GCNA: variants seen among roughly 807,000 people sequenced by gnomAD.
The protein encoded by GCNA is germ cell nuclear acidic peptidase.
A neutral mutation model predicts 38.8 loss-of-function variants in GCNA; 3 were observed. The ratio of observed to expected loss-of-function variants is 0.08; its 90% CI spans 0.04 to 0.20. The LOEUF (loss-of-function observed/expected upper bound fraction) is 0.20, where lower values mean the gene tolerates loss of function less well. Ranked by LOEUF, GCNA falls within the 10% of genes least tolerant of loss-of-function variation. GCNA has a pLI of 1.00. For missense variants in GCNA, 446 were observed against 578.6 expected (o/e 0.77, Z 2.35); for synonymous variants, 195 against 240.2 (o/e 0.81, Z 1.74).
In GCNA at chrX:71,590,898, A is replaced by G. The variant is rs141442164; in HGVS notation, c.60-1224A>G. Among the ~76,000 whole-genome samples, 898 of 110,738 alleles carry G rather than the reference A, an allele frequency of 8.1e-3. 9 individuals are homozygous for G. The highest frequency in any genetic ancestry group is 0.027 in the African/African-American group (822 of 30,485). On this transcript the variant is annotated intron_variant, in intron 2 of 12. Coordinates refer to ENST00000373696, the MANE Select transcript of GCNA (RefSeq NM_052957.5). ...GGGTTTCACCATGTTGGTCAGGCTG[A>G]TCTTGAGCTCCTGACCTCAAGCAAT...
intron 7 of GCNA, 113 bp from the exon 8 acceptor site, chrX:71,603,475 T>C: frequency 1.9e-6 from 2 of 1,055,347 alleles, no homozygotes; most frequent in Non-Finnish European, 2.5e-6. Flanking sequence ...CTATTCAAAA[T>C]GTCACAGTTC....
rs557481754 is a variant in GCNA at position 71,579,137 on chromosome X, G to A, written c.-3+615G>A. 3.7e-4 allele frequency among the ~76,000 whole-genome samples: 39 copies of A among 105,627 alleles called. No individual in the cohort carries two copies. The South Asian group carries it at 5.7e-3, about 15-fold the overall frequency. The allele number at this position is 105,627 out of a possible 115,157, so 91.7% of individuals were successfully genotyped here. ...TGGCTATGTAGGAATACGTGGCGCC[G>A]GTGGCGGCGCGGGGAGAAGTGAGGG... On this transcript the variant is annotated intron_variant, in intron 1 of 12. Transcript: ENST00000373696.
rs372246678 is a variant in GCNA at position 71,604,486 on chromosome X, T to A, written c.1209T>A (p.Pro403=). The A allele has an allele frequency of 1.0e-5, 12 of 1,201,252 alleles. No homozygotes were observed. The highest frequency in any genetic ancestry group is 1.3e-5 in the Non-Finnish European group (12 of 890,632). The change falls in exon 8 of 13, where the codon CCT becomes CCA. Residue 403 remains proline, a synonymous_variant. Coordinates refer to ENST00000373696, the MANE Select transcript of GCNA (RefSeq NM_052957.5). ...GAAAGCTGCCAACTGAGGAAGAGCC[T>A]GCACCTGTGGTGGAACAATCAGGGA... ...SERKLPTEEE[P]APVVEQSGKR... is the part of the protein sequence containing the mutation.
chrX:71,612,716 C>T (rs748958627), intron 12 of GCNA, 146 bp from the exon 13 acceptor site: 14 of 957,756 alleles, frequency 1.5e-5, no homozygotes, highest in East Asian at 3.4e-5. Flanking sequence ...TAATTTGAGC[C>T]GGCCTGACCA....
At chrX:71,579,134 G>A (rs999753072) in intron 1 of GCNA, among the ~76,000 whole-genome samples, 6 of 107,591 alleles carry the variant, frequency 5.6e-5, no homozygotes, top group East Asian at 3.0e-4. Flanking sequence ...AATACGTGGC[G>A]CCGGTGGCGG....
intron 12 of GCNA, 128 bp from the exon 13 acceptor site, chrX:71,612,734 C>T (rs1219876674): frequency 5.8e-6 from 6 of 1,039,394 alleles, no homozygotes; most frequent in South Asian, 2.2e-5. Flanking sequence ...CCACTGCTGC[C>T]GCTTGGTGCC....
chrX:71,580,229 A>G (rs1220270160), intron 1 of GCNA: 2 of 93,725 alleles, frequency 2.1e-5, no homozygotes, highest in Non-Finnish European at 4.2e-5. Context: ...GAAGACTGGC[A>G]AGTTGAGGTG....
chrX:71,587,916 A>C lies in GCNA; in HGVS notation c.60-4206A>C, dbSNP rs561692941. Among the ~76,000 whole-genome samples the C allele has an allele frequency of 9.0e-5, 10 of 111,212 alleles. No individual in the cohort carries two copies. In the South Asian group the frequency reaches 3.8e-3, roughly 42 times the overall value. Reference sequence around the variant, plus strand: ...GTGATTCTTGTTCCTCAGCCTCCCCAGTAGCTGGGGTTACAGGTGTGCGCC... The same window carrying C: ...GTGATTCTTGTTCCTCAGCCTCCCCCGTAGCTGGGGTTACAGGTGTGCGCC... On this transcript the variant is annotated intron_variant, in intron 2 of 12. Coordinates refer to ENST00000373696, the MANE Select transcript of GCNA (RefSeq NM_052957.5).
chrX:71,613,022 A>G lies in GCNA; in HGVS notation c.*40A>G. On this transcript the variant is annotated 3_prime_UTR_variant, in exon 13 of 13. Coordinates refer to ENST00000373696, the MANE Select transcript of GCNA (RefSeq NM_052957.5). ...TGTGCAGAAGTATTATAGAAAAATT[A>G]TGCAGGAGATGGCTAGGATTAGCCT... 5 of 1,202,599 alleles carry G rather than the reference A, an allele frequency of 4.2e-6. No homozygotes were observed. Among genetic ancestry groups the G allele is most frequent in the Non-Finnish European group, 3.4e-6 (3 of 888,136 alleles).
intron 12 of GCNA, 79 bp downstream of exon 12, chrX:71,612,638 T>C (rs370308302): frequency 1.0e-6 from 1 of 958,614 alleles, no homozygotes; most frequent in Non-Finnish European, 1.4e-6. Flanking sequence ...TATAAGTAGA[T>C]GGCTGTCTGA....
chrX:71,607,721 T>C (rs2040778757), intron 9 of GCNA, among the ~76,000 whole-genome samples: 1 of 112,187 alleles, frequency 8.9e-6, no homozygotes. Context: ...GTGGAGATCG[T>C]AAAAATAGTA....
intron 2 of GCNA, among the ~76,000 whole-genome samples, chrX:71,589,938 A>ATT (rs1157800837): frequency 4.3e-5 from 4 of 91,964 alleles, no homozygotes; most frequent in Admixed American, 1.2e-4. Flanking sequence ...TCGTTGTTTG[A>ATT]TTTTTTTTTT....
chrX:71,605,745 ATACAGTTGAACAGGAATT>A lies in GCNA; in HGVS notation c.1466+19_1466+36del. The stretch of plus-strand genomic sequence containing the variant: ...GCAAGACTAGGTATGTACTGCTCGC[ATACAGTTGAACAGGAATT>A]TATTGCACAGCCGTCACACTGGGCA... On this transcript the variant is annotated intron_variant, in intron 9 of 12. Transcript: ENST00000373696. 1 of 1,192,033 alleles carries A rather than the reference ATACAGTTGAACAGGAATT, an allele frequency of 8.4e-7. No individual in the cohort carries two copies.
chrX:71,613,110 T>G lies in GCNA; in HGVS notation c.*128T>G. 4 of 918,444 alleles carry G rather than the reference T, an allele frequency of 4.4e-6. No individual in the cohort carries two copies. Among genetic ancestry groups the G allele is most frequent in the Non-Finnish European group, 6.0e-6 (4 of 663,551 alleles). 75.7% of individuals were successfully genotyped at this position (918,444 alleles called of 1,213,427 possible). A position where few individuals can be genotyped will look rare whatever the true frequency, so the allele number is the denominator to read the frequency against. ...GCAATGAAGAATTCTTAAGGTTATC[T>G]TAGAGTATATTAATGTGAGCTATAT... is the stretch of plus-strand genomic sequence containing the variant. On this transcript the variant is annotated 3_prime_UTR_variant, in exon 13 of 13. Coordinates refer to ENST00000373696, the MANE Select transcript of GCNA (RefSeq NM_052957.5).
At chrX:71,578,907 C>T (rs1055070040) in intron 1 of GCNA, among the ~76,000 whole-genome samples, 2 of 52,031 alleles carry the variant, frequency 3.8e-5, no homozygotes, top group African/African-American at 1.5e-4. Flanking sequence ...GTGCCAGTGG[C>T]GGGTGGAGAG....
At chrX:71,589,766 C>T (rs1268395779) in intron 2 of GCNA, among the ~76,000 whole-genome samples, 2 of 109,483 alleles carry the variant, frequency 1.8e-5, no homozygotes, top group Non-Finnish European at 3.8e-5. Flanking sequence ...CACCCAGCCT[C>T]CTTTTTTCCT....
intron 2 of GCNA, 95 bp downstream of exon 2, chrX:71,580,975 G>A (rs2040542704): frequency 1.2e-6 from 1 of 848,379 alleles, no homozygotes; most frequent in Non-Finnish European, 1.7e-6. Context: ...TTTAGTATCT[G>A]TAGAGCGTAT....
At chrX:71,607,625 T>C (rs1238817490) in intron 9 of GCNA, among the ~76,000 whole-genome samples, 1 of 112,327 alleles carries the variant, frequency 8.9e-6, no homozygotes. Flanking sequence ...GCAGCGATTG[T>C]GGTTTAATCA....
At chrX:71,607,581 T>C (rs1198937905) in intron 9 of GCNA, among the ~76,000 whole-genome samples, 1 of 112,260 alleles carries the variant, frequency 8.9e-6, no homozygotes, top group African/African-American at 3.2e-5. Flanking sequence ...AGCATTATTC[T>C]TTGTGCCATT....
Sources: gnomAD v4.1 joint callset for allele counts (sites outside exome capture counted in the v4.1 genomes callset) on GRCh38, gnomAD v4.1.1 for gene constraint, MANE v1.5 for transcripts, NCBI Gene and HGNC (gene_info 2026-07-23, HGNC 2026-07-21) for gene names.